Variants in ZFR observed in about 807,000 individuals in gnomAD.
The protein encoded by ZFR is zinc finger RNA-binding protein.
In ZFR, 19 loss-of-function variants were observed where a neutral mutation model predicts 130.7. The observed-to-expected ratio is 0.15, with a 90% CI of 0.10 to 0.21. ZFR has a LOEUF of 0.21. Among genes scored for constraint, ZFR ranks in the 10% least tolerant of loss-of-function variants. The pLI, the probability that ZFR is intolerant of heterozygous loss-of-function variation, is 1.00. For synonymous variants in ZFR, 466 were observed against 456.9 expected, an observed-to-expected ratio of 1.02 and a Z score of -0.25; for missense variants, 872 against 1,321.5, an observed-to-expected ratio of 0.66 and a Z score of 5.27.
chr5:32,401,056 T>C (rs563450273), intron 8 of ZFR, among the ~76,000 whole-genome samples: 1 of 152,204 alleles, frequency 6.6e-6, no homozygotes, highest in Non-Finnish European at 1.5e-5. Context: ...ACTGAAAGTA[T>C]GAAGAACCTC....
chr5:32,390,847 G>A (rs1753151945), intron 11 of ZFR, among the ~76,000 whole-genome samples: 1 of 152,186 alleles, frequency 6.6e-6, no homozygotes, highest in Non-Finnish European at 1.5e-5. Flanking sequence ...CTACTATGAA[G>A]AAAAACAGTG....
intron 9 of ZFR, among the ~76,000 whole-genome samples, chr5:32,399,165 C>T (rs1753385381): frequency 6.6e-6 from 1 of 151,772 alleles, no homozygotes. Flanking sequence ...ATCCCAGCTA[C>T]TTGGGAGGCT....
At chr5:32,390,831 A>C (rs568700471) in intron 11 of ZFR, among the ~76,000 whole-genome samples, 1 of 152,302 alleles carries the variant, frequency 6.6e-6, no homozygotes, top group South Asian at 2.1e-4. Context: ...GCTCTTTCCT[A>C]TGTCTCTACT....
intron 7 of ZFR, among the ~76,000 whole-genome samples, chr5:32,403,635 T>TG (rs757863890): frequency 2.1e-4 from 32 of 152,214 alleles, no homozygotes; most frequent in Non-Finnish European, 2.9e-5. Flanking sequence ...TAGAGAAAGA[T>TG]GAACAGACTT....
intron 15 of ZFR, among the ~76,000 whole-genome samples, chr5:32,384,099 AT>A (rs1351417887): frequency 2.0e-5 from 3 of 152,228 alleles, no homozygotes; most frequent in Non-Finnish European, 4.4e-5. Flanking sequence ...TTGATACTGT[AT>A]AAATTTAATT....
chr5:32,380,765 C>T (rs1197019311), intron 15 of ZFR, among the ~76,000 whole-genome samples: 2 of 149,472 alleles, frequency 1.3e-5, no homozygotes, highest in African/African-American at 2.5e-5. Context: ...TCTCCTGTCT[C>T]AGCCTCCCAA....
intron 14 of ZFR, among the ~76,000 whole-genome samples, chr5:32,386,640 A>T (rs1387764974): frequency 6.6e-6 from 1 of 152,114 alleles, no homozygotes; most frequent in African/African-American, 2.4e-5. Flanking sequence ...GCTCCCGATA[A>T]TTAAAAAAAA....
At chr5:32,383,207 C>G (rs975306074) in intron 15 of ZFR, among the ~76,000 whole-genome samples, 1 of 152,134 alleles carries the variant, frequency 6.6e-6, no homozygotes, top group African/African-American at 2.4e-5. Flanking sequence ...ACAATAAATG[C>G]CAGGCTCTGC....
chr5:32,441,292 A>G (rs982976312), intron 2 of ZFR, among the ~76,000 whole-genome samples: 6 of 152,196 alleles, frequency 3.9e-5, no homozygotes, highest in African/African-American at 1.4e-4. Context: ...AATTACATTT[A>G]GGTGTAGGAT....
At chr5:32,441,751 G>A (rs1754480302) in intron 2 of ZFR, among the ~76,000 whole-genome samples, 1 of 152,124 alleles carries the variant, frequency 6.6e-6, no homozygotes, top group South Asian at 2.1e-4. Context: ...AAAATTCCCA[G>A]TATTATTGGG....
intron 9 of ZFR, among the ~76,000 whole-genome samples, chr5:32,397,848 TC>T (rs1393296156): frequency 2.6e-5 from 3 of 115,068 alleles, no homozygotes; most frequent in Admixed American, 1.1e-4. Context: ...TGCTCTTGTA[TC>T]TTTTTTTTTT....
chr5:32,376,518 T>C (rs73071926), intron 17 of ZFR, among the ~76,000 whole-genome samples: 3,736 of 151,616 alleles, frequency 0.025, 157 homozygotes, highest in African/African-American at 0.085. Flanking sequence ...TGGTGGCGCA[T>C]GCCTGTAGTG....
At chr5:32,411,836 G>T (rs1753720926) in intron 5 of ZFR, among the ~76,000 whole-genome samples, 1 of 151,962 alleles carries the variant, frequency 6.6e-6, no homozygotes, top group African/African-American at 2.4e-5. Context: ...TTAAGAGGAT[G>T]TACGTAGGTT....
intron 19 of ZFR, among the ~76,000 whole-genome samples, chr5:32,362,391 G>A (rs1169692046): frequency 1.3e-5 from 2 of 152,088 alleles, no homozygotes; most frequent in Admixed American, 6.6e-5. Flanking sequence ...AAGGAAATAT[G>A]GAATCATTCC....
intron 15 of ZFR, chr5:32,383,908 C>A: frequency 2.6e-6 from 1 of 391,500 alleles, no homozygotes. Flanking sequence ...CAAAATCTTT[C>A]CATTTTGGAC....
intron 11 of ZFR, among the ~76,000 whole-genome samples, chr5:32,393,700 G>A (rs1753232803): frequency 6.6e-6 from 1 of 152,150 alleles, no homozygotes; most frequent in Non-Finnish European, 1.5e-5. Context: ...GGACTCTTTG[G>A]AGTCCTTGAT....
intron 5 of ZFR, among the ~76,000 whole-genome samples, chr5:32,407,245 C>T (rs139170434): frequency 3.8e-4 from 58 of 151,610 alleles, no homozygotes; most frequent in African/African-American, 1.4e-3. Flanking sequence ...GGTATAAAGA[C>T]AGTGTAAAAT....
chr5:32,367,230 T>C (rs1184728424), intron 17 of ZFR, among the ~76,000 whole-genome samples: 1 of 151,920 alleles, frequency 6.6e-6, no homozygotes, highest in Non-Finnish European at 1.5e-5. Context: ...CGTGAGGAGT[T>C]TGAGACCAGC....
Position 32,388,654 on chromosome 5 carries a change from T to G in ZFR, c.2163A>C (p.Ser721=), listed in dbSNP as rs1753092819. The G allele has an allele frequency of 5.6e-6, 9 of 1,613,828 alleles. No homozygotes were observed. Among genetic ancestry groups the G allele is most frequent in the Non-Finnish European group, 7.6e-6 (9 of 1,179,850 alleles). Residue 721 remains serine, a synonymous_variant, in exon 13 of 20, where the codon TCA becomes TCC. Coordinates refer to ENST00000265069, the MANE Select transcript of ZFR (RefSeq NM_016107.5). ...TTGTCATTACATAACGGTCATCAGA[T>G]GAGTCAGGACGACGTAAGGGCTACA... ...QGPAPLRRPD[S]SDDRYVMTKH...
Sources: allele counts gnomAD v4.1 joint callset (sites outside exome capture counted in the v4.1 genomes callset), GRCh38; gene constraint gnomAD v4.1.1; transcripts MANE v1.5; gene names NCBI Gene and HGNC (gene_info 2026-07-23, HGNC 2026-07-21).